DUSP14: variants seen among roughly 807,000 people sequenced by gnomAD.
The protein encoded by DUSP14 is dual specificity phosphatase 14, also known as dual specificity protein phosphatase 14.
A neutral mutation model predicts 13.2 loss-of-function variants in DUSP14; 5 were observed. The ratio of observed to expected loss-of-function variants is 0.38; its 90% confidence interval spans 0.20 to 0.80. DUSP14 has a LOEUF of 0.80. Ranked by LOEUF, DUSP14 falls within the 30% of genes least tolerant of loss-of-function variation. The pLI, the probability that DUSP14 is intolerant of heterozygous loss-of-function variation, is 0.44. For synonymous variants in DUSP14, 91 were observed against 103.4 expected (o/e 0.88, Z 0.73); for missense variants, 185 against 264.0 (o/e 0.70, Z 2.07).
In DUSP14 at chr17:37,489,934, ACCCG is replaced by A. The variant is rs2054014753; in HGVS notation, c.-203_-200del. 1 of 59,774 alleles carries A rather than the reference ACCCG, an allele frequency of 1.7e-5. No individual in the cohort carries two copies. The highest frequency in any genetic ancestry group is 2.4e-4 in the Admixed American group (1 of 4,246). 3.7% of individuals were successfully genotyped at this position (59,774 alleles called of 1,614,324 possible). ...GCAGGAGGACGGAGCCCTAACCGCA[ACCCG>A]CTCCGCGCCGCGCCGCGCCGGTAGG... On this transcript the variant is annotated 5_prime_UTR_variant, in exon 1 of 3. Coordinates refer to ENST00000617516, the MANE Select transcript of DUSP14 (RefSeq NM_007026.4).
intron 1 of DUSP14, among the ~76,000 whole-genome samples, chr17:37,497,514 C>G (rs981762086): frequency 6.6e-6 from 1 of 152,156 alleles, no homozygotes; most frequent in Admixed American, 6.5e-5. Context: ...GTAATCCCAG[C>G]ACTTTGGGAG....
intron 1 of DUSP14, chr17:37,509,919 G>A (rs1029988305): frequency 6.6e-6 from 1 of 150,824 alleles, no homozygotes; most frequent in Non-Finnish European, 1.5e-5. Flanking sequence ...AAAAAAACAC[G>A]ACAGGTCTGA....
rs148832106 is a variant in DUSP14, at chr17:37,497,865, G to A, written c.-181+7907G>A. On this transcript the variant is annotated intron_variant, in intron 1 of 2. Coordinates refer to ENST00000617516, the MANE Select transcript of DUSP14 (RefSeq NM_007026.4). Reference sequence around the variant, plus strand: ...GCCCGGGAATTCAAGGCCAGCCTGGGCAACGTGGCAAAACCCTGTCTCTAC... The same window carrying A: ...GCCCGGGAATTCAAGGCCAGCCTGGACAACGTGGCAAAACCCTGTCTCTAC... Among the ~76,000 whole-genome samples the A allele has an allele frequency of 1.8e-4, 27 of 152,126 alleles. No homozygotes were observed. The East Asian group carries it at 5.0e-3, about 28-fold the overall frequency.
intron 1 of DUSP14, among the ~76,000 whole-genome samples, chr17:37,498,919 C>T (rs1035553961): frequency 5.9e-5 from 9 of 152,068 alleles, no homozygotes; most frequent in African/African-American, 7.2e-5. Flanking sequence ...AGGTGATTCT[C>T]GTGTAGGACT....
chr17:37,500,259 A>G (rs940209781), intron 1 of DUSP14, among the ~76,000 whole-genome samples: 3 of 152,254 alleles, frequency 2.0e-5, no homozygotes, highest in Non-Finnish European at 4.4e-5. Flanking sequence ...TGGGCCAGGT[A>G]TATGGTAAGG....
rs767444292 is a variant in DUSP14, at chr17:37,512,917, C to T, written c.*48C>T. ...AGCCCGAGCGGGGCCGGCATCTGCT[C>T]CCCGCCGTCTGCTCCCTCTCCACTC... On this transcript the variant is annotated 3_prime_UTR_variant, in exon 3 of 3. Transcript: ENST00000617516. The surrounding 1 kb of genome is among the most constrained non-coding windows in gnomAD (Gnocchi z 4.8). 2 of 1,479,188 alleles carry T rather than the reference C, an allele frequency of 1.4e-6. No homozygotes were observed. The highest frequency in any genetic ancestry group is 1.9e-6 in the Non-Finnish European group (2 of 1,078,782). The allele number at this position is 1,479,188 out of a possible 1,614,324, so 91.6% of individuals were successfully genotyped here. A position where few individuals can be genotyped will look rare whatever the true frequency, so the allele number is the denominator to read the frequency against.
At chr17:37,500,679 A>G (rs1346873106) in intron 1 of DUSP14, among the ~76,000 whole-genome samples, 2 of 152,188 alleles carry the variant, frequency 1.3e-5, no homozygotes, top group East Asian at 3.8e-4. Flanking sequence ...AATTTTTACC[A>G]CTTAGTCCTG....
At chr17:37,492,409 G>C (rs963764468) in intron 1 of DUSP14, among the ~76,000 whole-genome samples, 18 of 152,196 alleles carry the variant, frequency 1.2e-4, no homozygotes, top group African/African-American at 4.3e-4. Context: ...CTTCACCTGG[G>C]TGAAGACAAA....
chr17:37,501,673 G>T (rs151178959), intron 1 of DUSP14, among the ~76,000 whole-genome samples: 5 of 152,116 alleles, frequency 3.3e-5, no homozygotes, highest in African/African-American at 1.2e-4. Flanking sequence ...CCACCACCAC[G>T]CCTGGCTAAT....
rs952745496 is a variant in DUSP14, at chr17:37,512,145, G to T, written c.-92-36G>T. ...GACAGAAGGCTGTGATGAATCAGTA[G>T]CATTTAAAGTACTGACACATACCTG... On this transcript the variant is annotated intron_variant, in intron 2 of 2. Transcript: ENST00000617516. This position sits in a 1 kb window ranked among gnomAD's most constrained non-coding sequence, Gnocchi z 4.8. 5.6e-6 allele frequency: 4 copies of T among 712,932 alleles called. No individual in the cohort carries two copies. Among genetic ancestry groups the T allele is most frequent in the Non-Finnish European group, 9.3e-6 (4 of 429,326 alleles). 44.2% of individuals were successfully genotyped at this position (712,932 alleles called of 1,614,324 possible).
intron 1 of DUSP14, among the ~76,000 whole-genome samples, chr17:37,505,104 C>A (rs2054129647): frequency 6.6e-6 from 1 of 152,160 alleles, no homozygotes. Context: ...GTTGGCTTAG[C>A]TGTTTTTTGA....
chr17:37,502,041 T>A (rs757313908), intron 1 of DUSP14, among the ~76,000 whole-genome samples: 10 of 152,344 alleles, frequency 6.6e-5, no homozygotes, highest in South Asian at 4.1e-4. Context: ...TTCTGTTAGA[T>A]GATAAAATCC....
Position 37,512,811 on chromosome 17 carries a change from T to C in DUSP14, c.539T>C (p.Ile180Thr). 6.2e-7 allele frequency: 1 copy of C among 1,613,502 alleles called. No individual in the cohort carries two copies. The highest frequency in any genetic ancestry group is 8.5e-7 in the Non-Finnish European group (1 of 1,179,776). The change falls in exon 3 of 3, where the codon ATA becomes ACA. Residue 180 changes from isoleucine (I) to threonine (T), a missense_variant. Transcript: ENST00000617516. This position sits in a 1 kb window ranked among gnomAD's most constrained non-coding sequence, Gnocchi z 4.8. Reference protein sequence around the residue: ...TVKMVQTPYGIVPDVYEKESR... With the variant: ...TVKMVQTPYGTVPDVYEKESR... ...AAAATGGTACAGACACCTTATGGCA[T>C]AGTTCCCGACGTCTATGAGAAGGAG...
chr17:37,493,092 A>G (rs962858216), intron 1 of DUSP14, among the ~76,000 whole-genome samples: 6 of 152,068 alleles, frequency 3.9e-5, no homozygotes, highest in Non-Finnish European at 7.3e-5. Flanking sequence ...GCTATTTTAA[A>G]AGATTTATCC....
At chr17:37,493,035 A>T (rs1437492475) in intron 1 of DUSP14, among the ~76,000 whole-genome samples, 1 of 151,908 alleles carries the variant, frequency 6.6e-6, no homozygotes, top group East Asian at 1.9e-4. Context: ...GTGTGTATGT[A>T]TGTATATACA....
In DUSP14 at chr17:37,512,256, T is replaced by G; in HGVS notation, c.-17T>G. On this transcript the variant is annotated 5_prime_UTR_variant, in exon 3 of 3. The change abolishes the stop of an existing upstream ORF in the 5' untranslated region. Coordinates refer to ENST00000617516, the MANE Select transcript of DUSP14 (RefSeq NM_007026.4). The surrounding 1 kb of genome is among the most constrained non-coding windows in gnomAD (Gnocchi z 4.8). ...GGTCTTGCCGCCAACGATGCAAGTG[T>G]GACTGCTGGCGTCTTCATGAGCTCC... 3 of 1,574,674 alleles carry G rather than the reference T, an allele frequency of 1.9e-6. No homozygotes were observed. Among genetic ancestry groups the G allele is most frequent in the Non-Finnish European group, 2.6e-6 (3 of 1,158,110 alleles).
At chr17:37,493,124 GT>G (rs932611935) in intron 1 of DUSP14, among the ~76,000 whole-genome samples, 1 of 152,024 alleles carries the variant, frequency 6.6e-6, no homozygotes, top group Non-Finnish European at 1.5e-5. Context: ...TATGCCTGTA[GT>G]TTTTGTGTTT....
intron 1 of DUSP14, chr17:37,509,834 C>G (rs887593387): frequency 5.3e-5 from 8 of 151,618 alleles, no homozygotes; most frequent in African/African-American, 1.9e-4. Context: ...GTACATATGT[C>G]AGAACTCATC....
intron 1 of DUSP14, among the ~76,000 whole-genome samples, chr17:37,502,510 C>T (rs139086524): frequency 1.2e-3 from 180 of 152,244 alleles, no homozygotes; most frequent in African/African-American, 3.8e-3. Context: ...ATTGTACTCA[C>T]AGATTCCTGT....
Sources: gnomAD v4.1 joint callset for allele counts (sites outside exome capture counted in the v4.1 genomes callset) on GRCh38, gnomAD v4.1.1 for gene constraint, Gnocchi (gnomAD v3.1) non-coding constraint, MANE v1.5 for transcripts, NCBI Gene and HGNC (gene_info 2026-07-23, HGNC 2026-07-21) for gene names.